TTC21B: variants seen among roughly 807,000 people sequenced by gnomAD.
The protein encoded by TTC21B is tetratricopeptide repeat domain 21B, also known as tetratricopeptide repeat protein 21B.
Under a neutral mutation model 175.1 loss-of-function variants are expected in TTC21B, and 127 were observed. That is an observed-to-expected ratio of 0.73 (90% CI 0.63 to 0.84). The LOEUF is 0.84. Among genes scored for constraint, TTC21B ranks in the 40% least tolerant of loss-of-function variants. The probability of loss-of-function intolerance (pLI) is 0.00; values close to 1 mark genes in which losing one functional copy is unlikely to be tolerated. For synonymous variants in TTC21B, 524 were observed against 524.5 expected (o/e 1.00, Z 0.01); for missense variants, 1,561 against 1,558.3 (o/e 1.00, Z -0.03).
chr2:165,910,067 C>A (rs1347468067), intron 18 of TTC21B, among the ~76,000 whole-genome samples: 1 of 152,068 alleles, frequency 6.6e-6, no homozygotes, highest in East Asian at 1.9e-4. Context: ...CTTCTGTAAT[C>A]TTTAAATTCT....
chr2:165,938,622 G>C (rs1183086872), intron 6 of TTC21B, among the ~76,000 whole-genome samples: 1 of 152,036 alleles, frequency 6.6e-6, no homozygotes, highest in Non-Finnish European at 1.5e-5. Context: ...ACAAAATCTA[G>C]ATCATGGAAA....
At chr2:165,944,953 C>CGT (rs1687497700) in intron 4 of TTC21B, among the ~76,000 whole-genome samples, 1 of 152,176 alleles carries the variant, frequency 6.6e-6, no homozygotes, top group Non-Finnish European at 1.5e-5. Context: ...AACACTTAAG[C>CGT]GTGTGATCTC....
intron 1 of TTC21B, 185 bp from the exon 2 acceptor site, chr2:165,949,909 T>A: frequency 3.7e-6 from 2 of 538,436 alleles, no homozygotes; most frequent in Non-Finnish European, 3.2e-6. Context: ...AACTGAATGA[T>A]CATAAAATTA....
In TTC21B at chr2:165,907,661, C is replaced by A. The variant is rs370340216; in HGVS notation, c.2568+17G>T. 175 of 1,555,810 alleles carry A rather than the reference C, an allele frequency of 1.1e-4. 1 individual carries two copies. In the Middle Eastern group the frequency reaches 1.3e-3, roughly 12 times the overall value. On this transcript the variant is annotated intron_variant, in intron 19 of 28. Coordinates refer to ENST00000243344, the MANE Select transcript of TTC21B (RefSeq NM_024753.5). ...ATCTCCTACCTCATGACCACACTCACAGACAAATGTGTTTACCTGTTGTAA... is the reference window on the plus strand; with the variant it reads ...ATCTCCTACCTCATGACCACACTCAAAGACAAATGTGTTTACCTGTTGTAA...
At chr2:165,930,839 T>C (rs1686880520) in intron 8 of TTC21B, among the ~76,000 whole-genome samples, 1 of 150,872 alleles carries the variant, frequency 6.6e-6, no homozygotes, top group African/African-American at 2.4e-5. Flanking sequence ...AAACACTAGC[T>C]ATGCCATCAG....
At chr2:165,897,869 T>C (rs1369687743) in intron 22 of TTC21B, among the ~76,000 whole-genome samples, 15 of 152,160 alleles carry the variant, frequency 9.9e-5, no homozygotes, top group Admixed American at 9.8e-4. Flanking sequence ...AAGTCTTTCA[T>C]TGTGGAAGGG....
At chr2:165,937,502 G>A (rs189165009) in intron 6 of TTC21B, among the ~76,000 whole-genome samples, 1 of 152,182 alleles carries the variant, frequency 6.6e-6, no homozygotes, top group African/African-American at 2.4e-5. Flanking sequence ...GGTGGGAGAT[G>A]TTGATAATTA....
intron 8 of TTC21B, among the ~76,000 whole-genome samples, chr2:165,930,732 G>GGTGTGTGTGTGTGTGTGTGT: frequency 5.6e-4 from 62 of 110,864 alleles, no homozygotes; most frequent in Non-Finnish European, 9.9e-4. Context: ...TGGGTATGGG[G>GGTGTGTGTGTGTGTGTGTGT]GTGTGTGTGT....
chr2:165,931,873 T>G lies in TTC21B; in HGVS notation c.796-17A>C. The G allele has an allele frequency of 6.5e-7, 1 of 1,540,784 alleles. No individual in the cohort carries two copies. The highest frequency in any genetic ancestry group is 2.2e-5 in the East Asian group (1 of 44,504). Reference sequence around the variant, plus strand: ...GGTGGAAGCCTAAAACAAAAGGAACTGGTATTAACTTAAAATATACTAAGT... The same window carrying G: ...GGTGGAAGCCTAAAACAAAAGGAACGGGTATTAACTTAAAATATACTAAGT... On this transcript the variant is annotated splice_polypyrimidine_tract_variant and intron_variant, in intron 7 of 28. Coordinates refer to ENST00000243344, the MANE Select transcript of TTC21B (RefSeq NM_024753.5).
intron 26 of TTC21B, 63 bp from the exon 27 acceptor site, chr2:165,880,862 TTG>T: frequency 6.5e-7 from 1 of 1,545,418 alleles, no homozygotes; most frequent in Non-Finnish European, 8.9e-7. Context: ...TATGGGATGT[TTG>T]TGACTATAGA....
chr2:165,897,106 G>A (rs1013286098), intron 22 of TTC21B, among the ~76,000 whole-genome samples: 4 of 151,912 alleles, frequency 2.6e-5, no homozygotes, highest in African/African-American at 4.8e-5. Context: ...CTGTGGAACC[G>A]CCACACCAGT....
chr2:165,890,805 A>T (rs1322618015), intron 23 of TTC21B, 33 bp downstream of exon 23: 1 of 1,603,552 alleles, frequency 6.2e-7, no homozygotes, highest in African/African-American at 1.3e-5. Context: ...GAGAAAAAAA[A>T]ATCATGTAGC....
At chr2:165,902,895 T>C (rs1355221679) in intron 19 of TTC21B, among the ~76,000 whole-genome samples, 1 of 152,106 alleles carries the variant, frequency 6.6e-6, no homozygotes, top group Admixed American at 6.5e-5. Flanking sequence ...CACTTAGCCA[T>C]TAGGAAAGTA....
rs1283694993 is a variant in TTC21B, at chr2:165,927,292, AG to A, written c.1386+1842del. 1.4e-3 allele frequency among the ~76,000 whole-genome samples: 141 copies of A among 98,294 alleles called. 1 individual carries two copies. The highest frequency in any genetic ancestry group is 1.9e-3 in the Non-Finnish European group (102 of 53,054). The allele number at this position is 98,294 out of a possible 152,430, so 64.5% of individuals were successfully genotyped here. On this transcript the variant is annotated intron_variant, in intron 11 of 28. Transcript: ENST00000243344. ...TAGTTATATATATATATATCCTAGT[AG>A]TTATATATATATATTATATATTATA...
In TTC21B at chr2:165,932,965, C is replaced by T; in HGVS notation, c.795+8G>A. 2 of 1,609,650 alleles carry T rather than the reference C, an allele frequency of 1.2e-6. No homozygotes were observed. Among genetic ancestry groups the T allele is most frequent in the South Asian group, 1.1e-5 (1 of 90,838 alleles). The stretch of plus-strand genomic sequence containing the variant: ...TATAGGAAACTTAAATAATACAATG[C>T]CACTTACCTTCTCTATATCCCCCTC... On this transcript the variant is annotated splice_region_variant and intron_variant, in intron 7 of 28. Transcript: ENST00000243344.
At chr2:165,918,310 T>C (rs1170810268) in intron 13 of TTC21B, among the ~76,000 whole-genome samples, 1 of 152,172 alleles carries the variant, frequency 6.6e-6, no homozygotes, top group Non-Finnish European at 1.5e-5. Flanking sequence ...CAATTTTTTT[T>C]TTGAGATGGA....
At chr2:165,909,821 T>C (rs937861690) in intron 18 of TTC21B, among the ~76,000 whole-genome samples, 1 of 152,136 alleles carries the variant, frequency 6.6e-6, no homozygotes, top group African/African-American at 2.4e-5. Flanking sequence ...ACTCTACATA[T>C]GCTAAAAAAT....
Position 165,953,640 on chromosome 2 carries a change from T to TCCTC in TTC21B, c.21+44_21+45insGAGG, listed in dbSNP as rs1687829623. On this transcript the variant is annotated intron_variant, in intron 1 of 28. Coordinates refer to ENST00000243344, the MANE Select transcript of TTC21B (RefSeq NM_024753.5). ...CCGGGCCAAAAGGCCGCAAAGGAACTCCGCCCGCCCGCCCGCTCACCCGCT... is the reference window on the plus strand; with the variant it reads ...CCGGGCCAAAAGGCCGCAAAGGAACTCCTCCCGCCCGCCCGCCCGCTCACCCGCT... 4.7e-6 allele frequency: 6 copies of TCCTC among 1,288,234 alleles called. No individual in the cohort carries two copies. The East Asian group carries it at 1.3e-4, about 28-fold the overall frequency. The allele number at this position is 1,288,234 out of a possible 1,614,324, so 79.8% of individuals were successfully genotyped here.
At chr2:165,919,454 T>C (rs1686306884) in intron 12 of TTC21B, 21 bp from the exon 13 acceptor site, 1 of 1,611,802 alleles carries the variant, frequency 6.2e-7, no homozygotes, top group Non-Finnish European at 8.5e-7. Flanking sequence ...AAACAATGCA[T>C]TGTTATAATT....
Sources: allele counts gnomAD v4.1 joint callset (sites outside exome capture counted in the v4.1 genomes callset), GRCh38; gene constraint gnomAD v4.1.1; transcripts MANE v1.5; gene names NCBI Gene and HGNC (gene_info 2026-07-23, HGNC 2026-07-21).